KCNH5: variants seen among roughly 807,000 people sequenced by gnomAD.
KCNH5 encodes the protein potassium voltage-gated channel subfamily H member 5.
Under a neutral mutation model 96.1 loss-of-function variants are expected in KCNH5, and 46 were observed. The observed-to-expected ratio is 0.48, with a 90% CI of 0.38 to 0.61. The LOEUF (loss-of-function observed/expected upper bound fraction) is 0.61, where lower values mean the gene tolerates loss of function less well. Among genes scored for constraint, KCNH5 ranks in the 20% least tolerant of loss-of-function variants. The probability of loss-of-function intolerance (pLI) is 0.00; values close to 1 mark genes in which losing one functional copy is unlikely to be tolerated. For missense variants in KCNH5, 907 were observed against 1,225.8 expected (o/e 0.74, Z 3.88); for synonymous variants, 439 against 449.8 (o/e 0.98, Z 0.30).
At chr14:62,873,983 G>A (rs887403776) in intron 7 of KCNH5, among the ~76,000 whole-genome samples, 1 of 152,064 alleles carries the variant, frequency 6.6e-6, no homozygotes, top group Non-Finnish European at 1.5e-5. Context: ...TAACTCTTAA[G>A]CATGCAGGAG....
intron 10 of KCNH5, among the ~76,000 whole-genome samples, chr14:62,753,422 A>T (rs1324738574): frequency 6.6e-6 from 1 of 152,174 alleles, no homozygotes; most frequent in Non-Finnish European, 1.5e-5. Context: ...AGGAATAGAA[A>T]ATTTAAAGGG....
chr14:62,860,719 C>T (rs1049246363), intron 7 of KCNH5, among the ~76,000 whole-genome samples: 1 of 152,178 alleles, frequency 6.6e-6, no homozygotes, highest in Non-Finnish European at 1.5e-5. Context: ...ACAGGACCTA[C>T]CCCATTGCTT....
chr14:62,967,989 ATTTCC>A (rs1018206052), intron 6 of KCNH5, among the ~76,000 whole-genome samples: 2 of 152,186 alleles, frequency 1.3e-5, no homozygotes, highest in African/African-American at 4.8e-5. Context: ...ATTGCTTGTT[ATTTCC>A]TTTCCTCTCA....
In KCNH5 at chr14:62,706,963, C is replaced by A. The variant is rs562292384; in HGVS notation, c.*545G>T. The A allele has an allele frequency of 6.6e-6, 1 of 152,146 alleles. No homozygotes were observed. Among genetic ancestry groups the A allele is most frequent in the Admixed American group, 6.5e-5 (1 of 15,284 alleles). The allele number at this position is 152,146 out of a possible 1,614,324, so 9.4% of individuals were successfully genotyped here. A position where few individuals can be genotyped will look rare whatever the true frequency, so the allele number is the denominator to read the frequency against. On this transcript the variant is annotated 3_prime_UTR_variant, in exon 11 of 11. Transcript: ENST00000322893. ...CCACACTCTTATCTGACTTAGGCAA[C>A]TAAACAGTCATTTAAATGGAGCAAA...
intron 1 of KCNH5, among the ~76,000 whole-genome samples, chr14:63,036,364 C>T (rs1340769099): frequency 1.3e-5 from 2 of 151,894 alleles, no homozygotes; most frequent in African/African-American, 4.8e-5. Context: ...ACAGGAGACA[C>T]AAAAGAAAGC....
At chr14:62,936,350 T>TAG (rs370562868) in intron 7 of KCNH5, among the ~76,000 whole-genome samples, 21 of 150,714 alleles carry the variant, frequency 1.4e-4, no homozygotes, top group African/African-American at 4.4e-4. Flanking sequence ...AAAGAGCCAG[T>TAG]AGAGAGAGAG....
At chr14:62,710,079 A>G (rs924169933) in intron 10 of KCNH5, among the ~76,000 whole-genome samples, 1 of 152,202 alleles carries the variant, frequency 6.6e-6, no homozygotes, top group Admixed American at 6.5e-5. Flanking sequence ...CTATCTTTTG[A>G]ATATTCAGCA....
intron 9 of KCNH5, among the ~76,000 whole-genome samples, chr14:62,795,052 C>G (rs1886511627): frequency 6.6e-6 from 1 of 152,120 alleles, no homozygotes; most frequent in African/African-American, 2.4e-5. Flanking sequence ...AGATACTTAA[C>G]ACAGTTTCCC....
chr14:62,771,540 G>A (rs1179021552), intron 10 of KCNH5, among the ~76,000 whole-genome samples: 1 of 151,722 alleles, frequency 6.6e-6, no homozygotes, highest in African/African-American at 2.4e-5. Context: ...CAGGAGAATG[G>A]CGTGAACCCG....
intron 8 of KCNH5, among the ~76,000 whole-genome samples, chr14:62,824,644 G>A (rs780594875): frequency 2.6e-5 from 4 of 151,888 alleles, no homozygotes; most frequent in Non-Finnish European, 5.9e-5. Flanking sequence ...TTTACATTCA[G>A]GGGTACACAT....
chr14:62,950,271 C>G lies in KCNH5; in HGVS notation c.1231G>C (p.Gly411Arg). ...RYNTSAGIWEGGPSKDSLYVS... is the reference protein window; with the variant it reads ...RYNTSAGIWERGPSKDSLYVS... ...TACAATGAATCCTTGCTGGGTCCTC[C>G]TTCCCATATCCCAGCACTGGTATTG... The change falls in exon 7 of 11, where the codon GGA (glycine) becomes CGA (arginine). Residue 411 changes from glycine (G) to arginine (R), a missense_variant. Physicochemically the swap from Gly to Arg is moderately radical, Grantham distance 125. Around this residue, in one of 6 missense-constraint regions of KCNH5, gnomAD observed 370 missense variants for 561.3 expected, o/e 0.66. Coordinates refer to ENST00000322893, the MANE Select transcript of KCNH5 (RefSeq NM_139318.5). The G allele has an allele frequency of 6.2e-7, 1 of 1,614,030 alleles. No individual in the cohort carries two copies.
At chr14:62,882,759 A>C (rs1190139915) in intron 7 of KCNH5, among the ~76,000 whole-genome samples, 1 of 152,210 alleles carries the variant, frequency 6.6e-6, no homozygotes, top group Non-Finnish European at 1.5e-5. Flanking sequence ...TAATTGAGGA[A>C]CATAACTCTT....
chr14:62,886,783 T>C (rs1888607028), intron 7 of KCNH5, among the ~76,000 whole-genome samples: 2 of 152,180 alleles, frequency 1.3e-5, no homozygotes, highest in Admixed American at 1.3e-4. Flanking sequence ...TTGAGGTTTA[T>C]AAAGCACTTT....
At chr14:63,033,783 A>AT (rs11345648) in intron 1 of KCNH5, among the ~76,000 whole-genome samples, 116 of 146,244 alleles carry the variant, frequency 7.9e-4, no homozygotes, top group Middle Eastern at 3.5e-3. Flanking sequence ...CATGGCAGGT[A>AT]TTTTTTTTTT....
At chr14:62,783,727 T>C (rs1886265141) in intron 9 of KCNH5, among the ~76,000 whole-genome samples, 1 of 152,150 alleles carries the variant, frequency 6.6e-6, no homozygotes, top group South Asian at 2.1e-4. Flanking sequence ...CCAATAGCTA[T>C]GGCAATTGTA....
At chr14:62,790,042 C>T (rs1886399494) in intron 9 of KCNH5, among the ~76,000 whole-genome samples, 1 of 151,062 alleles carries the variant, frequency 6.6e-6, no homozygotes, top group Non-Finnish European at 1.5e-5. Flanking sequence ...TCAGGTCTCA[C>T]AGGCATTTTA....
At chr14:62,985,131 T>C (rs1055318394) in intron 5 of KCNH5, among the ~76,000 whole-genome samples, 1 of 152,204 alleles carries the variant, frequency 6.6e-6, no homozygotes, top group Admixed American at 6.5e-5. Context: ...AAGAAAGTTG[T>C]ATCTCATTGT....
chr14:62,707,453 T>C lies in KCNH5; in HGVS notation c.*55A>G, dbSNP rs1595587009. ...AATATATATATGTATATACTGTATA[T>C]ACACACATATGTATATACTGTTTTA... On this transcript the variant is annotated 3_prime_UTR_variant, in exon 11 of 11. Transcript: ENST00000322893. 1.1e-6 allele frequency: 1 copy of C among 893,322 alleles called. No homozygotes were observed. The allele number at this position is 893,322 out of a possible 1,614,324, so 55.3% of individuals were successfully genotyped here.
In KCNH5 at chr14:62,702,380, T is replaced by G. The variant is rs551776951; in HGVS notation, c.*5128A>C. On this transcript the variant is annotated 3_prime_UTR_variant, in exon 11 of 11. Transcript: ENST00000322893. ...ATTTTAAGAAATCTTTAAAAGTATG[T>G]GTCTGGAAAAACCTAGACTAGATGG... is the stretch of plus-strand genomic sequence containing the variant. The G allele has an allele frequency of 6.6e-6, 1 of 152,186 alleles. No individual in the cohort carries two copies. The highest frequency in any genetic ancestry group is 6.5e-5 in the Admixed American group (1 of 15,274). The allele number at this position is 152,186 out of a possible 1,614,324, so 9.4% of individuals were successfully genotyped here. A position where few individuals can be genotyped will look rare whatever the true frequency, so the allele number is the denominator to read the frequency against.
Sources: gnomAD v4.1 joint callset for allele counts (sites outside exome capture counted in the v4.1 genomes callset) on GRCh38, gnomAD v4.1.1 for gene constraint, gnomAD v4.1.1 regional missense constraint, MANE v1.5 for transcripts, NCBI Gene and HGNC (gene_info 2026-07-23, HGNC 2026-07-21) for gene names.